WDPCP: variants seen among roughly 807,000 people sequenced by gnomAD.
WDPCP encodes the protein WD repeat containing planar cell polarity effector.
Under a neutral mutation model 93.1 loss-of-function variants are expected in WDPCP, and 71 were observed. The ratio of observed to expected loss-of-function variants is 0.76; its 90% CI spans 0.63 to 0.93. The LOEUF is 0.93. WDPCP is among the 40% of genes least tolerant of loss of function. The pLI, the probability that WDPCP is intolerant of heterozygous loss-of-function variation, is 0.00. For missense variants in WDPCP, 844 were observed against 887.4 expected (o/e 0.95, Z 0.62); for synonymous variants, 315 against 315.0 (o/e 1.00, Z 0.00).
intron 1 of WDPCP, among the ~76,000 whole-genome samples, chr2:63,493,840 A>AT (rs1701042723): frequency 6.6e-6 from 1 of 152,146 alleles, no homozygotes; most frequent in African/African-American, 2.4e-5. Flanking sequence ...AACTATGGAC[A>AT]TTTTCTTTAT....
At chr2:63,486,114 T>C (rs539148746) in intron 4 of WDPCP, among the ~76,000 whole-genome samples, 10 of 151,882 alleles carry the variant, frequency 6.6e-5, no homozygotes, top group Non-Finnish European at 1.0e-4. Context: ...CCATAATATA[T>C]ACAACATACT....
chr2:63,526,572 C>T (rs1232932879), intron 1 of WDPCP, among the ~76,000 whole-genome samples: 3 of 152,182 alleles, frequency 2.0e-5, no homozygotes, highest in Non-Finnish European at 4.4e-5. Flanking sequence ...CCATAGCTGA[C>T]TATCCTCCAG....
chr2:63,183,782 G>T (rs1468318982), intron 14 of WDPCP, among the ~76,000 whole-genome samples: 4 of 151,970 alleles, frequency 2.6e-5, no homozygotes, highest in African/African-American at 4.8e-5. Flanking sequence ...AGTAATATTT[G>T]TTTTGTGACT....
intron 10 of WDPCP, among the ~76,000 whole-genome samples, chr2:63,390,675 GAACA>G (rs1419965648): frequency 1.3e-5 from 2 of 151,792 alleles, no homozygotes; most frequent in East Asian, 1.9e-4. Context: ...AAAGAAGAGA[GAACA>G]ATCAAATAGA....
chr2:63,475,506 A>C (rs1022897757), intron 6 of WDPCP, among the ~76,000 whole-genome samples: 7 of 152,158 alleles, frequency 4.6e-5, no homozygotes, highest in Non-Finnish European at 8.8e-5. Context: ...AATATTTTAT[A>C]CATTAGTTTC....
intron 1 of WDPCP, among the ~76,000 whole-genome samples, chr2:63,494,197 T>C (rs1368948478): frequency 6.6e-6 from 1 of 152,030 alleles, no homozygotes; most frequent in African/African-American, 2.4e-5. Flanking sequence ...CCTGAACAGC[T>C]GGGCTGTGAG....
intron 13 of WDPCP, among the ~76,000 whole-genome samples, chr2:63,260,682 T>C (rs2138799): frequency 0.65 from 99,192 of 152,052 alleles, 34,820 homozygotes; most frequent in African/African-American, 0.89. Context: ...CTTGAGTAGC[T>C]GGGATTACAG....
intron 12 of WDPCP, among the ~76,000 whole-genome samples, chr2:63,370,500 A>C (rs938724692): frequency 6.6e-6 from 1 of 152,136 alleles, no homozygotes; most frequent in African/African-American, 2.4e-5. Context: ...GAATTTTTTA[A>C]AGATGTTAAA....
chr2:63,825,211 T>C (rs1671094622), intron 1 of WDPCP, among the ~76,000 whole-genome samples: 2 of 152,140 alleles, frequency 1.3e-5, no homozygotes, highest in African/African-American at 4.8e-5. Context: ...TTAATACATA[T>C]CCTCAGAATC....
intron 14 of WDPCP, among the ~76,000 whole-genome samples, chr2:63,214,121 G>A (rs540892711): frequency 6.6e-6 from 1 of 152,192 alleles, no homozygotes; most frequent in Non-Finnish European, 1.5e-5. Context: ...AACTGATTTT[G>A]TGAGGCCAGC....
At chr2:63,512,855 C>T (rs750829423) in intron 1 of WDPCP, among the ~76,000 whole-genome samples, 4 of 151,096 alleles carry the variant, frequency 2.6e-5, no homozygotes, top group East Asian at 1.9e-4. Flanking sequence ...ACAAACCGCA[C>T]GTTCTGCACA....
intron 2 of WDPCP, among the ~76,000 whole-genome samples, chr2:63,684,089 A>G (rs770683085): frequency 2.0e-5 from 3 of 151,940 alleles, no homozygotes; most frequent in Non-Finnish European, 4.4e-5. Context: ...ACAAAGAAAT[A>G]TTGAATTTAA....
intron 1 of WDPCP, among the ~76,000 whole-genome samples, chr2:63,578,359 G>C (rs1372006007): frequency 6.6e-6 from 1 of 152,202 alleles, no homozygotes; most frequent in Non-Finnish European, 1.5e-5. Context: ...ACAGCTCTGA[G>C]TAGGACTCTG....
intron 13 of WDPCP, among the ~76,000 whole-genome samples, chr2:63,310,935 T>A (rs1355462464): frequency 3.9e-5 from 6 of 152,150 alleles, no homozygotes; most frequent in Non-Finnish European, 1.5e-5. Flanking sequence ...AGAGGAAAAG[T>A]TTCCTAGCCA....
At chr2:63,589,345 T>C, upstream of WDPCP, 1 of 1,550,648 alleles carries the variant, frequency 6.4e-7, no homozygotes, top group Non-Finnish European at 8.7e-7. Context: ...GCTGCAGCTA[T>C]TTTCCAAAGG....
intron 6 of WDPCP, among the ~76,000 whole-genome samples, chr2:63,451,342 A>G (rs1698232959): frequency 6.6e-6 from 1 of 152,204 alleles, no homozygotes; most frequent in East Asian, 1.9e-4. Context: ...TAGAAAATCT[A>G]GAAGAAATGG....
intron 1 of WDPCP, among the ~76,000 whole-genome samples, chr2:63,574,017 T>G (rs548024502): frequency 6.6e-6 from 1 of 152,174 alleles, no homozygotes; most frequent in Non-Finnish European, 1.5e-5. Context: ...TTAAACCCTG[T>G]CTCCTGATAA....
At chr2:63,450,933 T>C (rs1376621029) in intron 6 of WDPCP, among the ~76,000 whole-genome samples, 4 of 151,896 alleles carry the variant, frequency 2.6e-5, no homozygotes, top group South Asian at 2.1e-4. Flanking sequence ...GCACGGGAAG[T>C]ATGAAAAAGC....
chr2:63,697,626 T>C (rs1288706000), intron 2 of WDPCP, among the ~76,000 whole-genome samples: 1 of 152,176 alleles, frequency 6.6e-6, no homozygotes, highest in African/African-American at 2.4e-5. Context: ...TTCTATAATG[T>C]CTATATTTTC....
Sources: gnomAD v4.1 joint callset for allele counts (sites outside exome capture counted in the v4.1 genomes callset) on GRCh38, gnomAD v4.1.1 for gene constraint, MANE v1.5 for transcripts, NCBI Gene and HGNC (gene_info 2026-07-23, HGNC 2026-07-21) for gene names.